The following NIN variants were observed in gnomAD, a reference collection of about 807,000 sequenced individuals.
NIN encodes the protein ninein.
NIN carries 137 observed loss-of-function variants against 257.6 expected under a neutral mutation model. That is an observed-to-expected ratio of 0.53 (90% confidence interval 0.46 to 0.61). The LOEUF is 0.61. Among genes scored for constraint, NIN ranks in the 20% least tolerant of loss-of-function variants. NIN has a pLI of 0.00. For synonymous variants in NIN, 918 were observed against 919.8 expected (o/e 1.00, Z 0.04); for missense variants, 2,439 against 2,501.2 (o/e 0.98, Z 0.53).
At chr14:50,782,516 A>G (rs2043175028) in intron 5 of NIN, among the ~76,000 whole-genome samples, 1 of 152,250 alleles carries the variant, frequency 6.6e-6, no homozygotes, top group South Asian at 2.1e-4. Flanking sequence ...AATGCTATCT[A>G]TCCTATGATT....
intron 26 of NIN, 127 bp from the exon 27 acceptor site, chr14:50,738,413 G>A: frequency 1.3e-6 from 1 of 788,250 alleles, no homozygotes; most frequent in South Asian, 1.9e-5. Context: ...AATCAAGCCT[G>A]TAAATACTTG....
intron 13 of NIN, 81 bp downstream of exon 13, chr14:50,766,699 C>G: frequency 1.1e-6 from 1 of 933,802 alleles, no homozygotes; most frequent in East Asian, 2.4e-5. Context: ...TAAAAATGTT[C>G]TGGTGGCATT....
rs2042221187 is a variant in NIN, at chr14:50,760,226, G to A, written c.2030C>T (p.Ala677Val). Residue 677 changes from alanine (A) to valine (V), a missense_variant, in exon 17 of 31, where the codon GCT becomes GTT. Ala to Val is a moderately conservative substitution (Grantham distance 64). This residue lies in a region of NIN where 2,043 missense variants were observed against 2,050.2 expected (regional missense o/e 1.00). Transcript: ENST00000530997. ...KQISDLKNEI[A>V]ELQGQAAVLK... Reference sequence around the variant, plus strand: ...CACTGCTGCTTGCCCCTGAAGTTCAGCAATTTCATTTTTAAGGTCACTTAT... The same window carrying A: ...CACTGCTGCTTGCCCCTGAAGTTCAACAATTTCATTTTTAAGGTCACTTAT... 1 of 1,613,352 alleles carries A rather than the reference G, an allele frequency of 6.2e-7. No individual in the cohort carries two copies. The highest frequency in any genetic ancestry group is 2.2e-5 in the East Asian group (1 of 44,868).
chr14:50,734,673 A>AT (rs1366141201), intron 28 of NIN, among the ~76,000 whole-genome samples: 2 of 151,394 alleles, frequency 1.3e-5, no homozygotes, highest in South Asian at 2.1e-4. Context: ...TTACAAATCC[A>AT]TTTTTTTTCT....
rs573023202 is a variant in NIN, at chr14:50,810,898, G to A, written c.184-4080C>T. The stretch of plus-strand genomic sequence containing the variant: ...AGGATGGTCTCGATCTCCTGACCTC[G>A]TGATCTGCCCACCTCGGCCTCTGAA... On this transcript the variant is annotated intron_variant, in intron 3 of 30. Coordinates refer to ENST00000530997, the MANE Select transcript of NIN (RefSeq NM_020921.4). Among the ~76,000 whole-genome samples the A allele has an allele frequency of 2.0e-5, 3 of 152,132 alleles. No individual in the cohort carries two copies. In the South Asian group the frequency reaches 6.2e-4, roughly 32 times the overall value.
chr14:50,724,512 G>A (rs2040340944), intron 30 of NIN, among the ~76,000 whole-genome samples: 1 of 152,120 alleles, frequency 6.6e-6, no homozygotes, highest in South Asian at 2.1e-4. Flanking sequence ...CATATTTTCT[G>A]TTGAACTTCC....
At chr14:50,803,197 C>CA (rs1365122392) in intron 4 of NIN, among the ~76,000 whole-genome samples, 3 of 152,134 alleles carry the variant, frequency 2.0e-5, no homozygotes, top group East Asian at 1.9e-4. Context: ...GCTAAAAATA[C>CA]AAAAAAATGA....
At chr14:50,771,511 A>T in intron 9 of NIN, 43 bp from the exon 10 acceptor site, 1 of 1,605,622 alleles carries the variant, frequency 6.2e-7, no homozygotes, top group South Asian at 1.1e-5. Context: ...CAAATCACTC[A>T]TTCCATCCTC....
Position 50,729,683 on chromosome 14 carries a change from G to C in NIN, c.5918C>G (p.Pro1973Arg), listed in dbSNP as rs772133240. 2 of 1,613,220 alleles carry C rather than the reference G, an allele frequency of 1.2e-6. No individual in the cohort carries two copies. Among genetic ancestry groups the C allele is most frequent in the South Asian group, 2.2e-5 (2 of 90,916 alleles). ...GAGCAGCTGCAAATCCCAAGCATGA[G>C]GGGACGGGCTAGGCGTCGCAGTGGA... ...LRSTATPSPS[P>R]HAWDLQLLQQ... Residue 1973 changes from proline (P) to arginine (R), a missense_variant, in exon 29 of 31, where the codon CCT becomes CGT. Transcript: ENST00000530997.
chr14:50,801,443 C>A (rs2044098837), intron 4 of NIN, among the ~76,000 whole-genome samples: 1 of 152,192 alleles, frequency 6.6e-6, no homozygotes, highest in Admixed American at 6.5e-5. Context: ...GTTAGCATTT[C>A]ATTGATGCCA....
At position 50,722,083 on chromosome 14, in the gene NIN, T is replaced by A. The variant is rs1206186197; in HGVS notation, c.*1380A>T. The A allele has an allele frequency of 4.4e-6, 1 of 228,824 alleles. No individual in the cohort carries two copies. Among genetic ancestry groups the A allele is most frequent in the East Asian group, 6.2e-5 (1 of 16,192 alleles). 14.2% of individuals were successfully genotyped at this position (228,824 alleles called of 1,614,324 possible). ...CATGAAAACAAGCAGGTTGTTGTGA[T>A]GAACTTGGAAAGTGCCCTGCACCTA... On this transcript the variant is annotated 3_prime_UTR_variant, in exon 31 of 31. Transcript: ENST00000530997.
chr14:50,751,550 A>AGGGC (rs2041790814), intron 21 of NIN, among the ~76,000 whole-genome samples: 1 of 152,108 alleles, frequency 6.6e-6, no homozygotes, highest in African/African-American at 2.4e-5. Flanking sequence ...CATAGATTTG[A>AGGGC]GGGCCATTTT....
chr14:50,742,054 G>T (rs1595738901), intron 24 of NIN: 2 of 228,868 alleles, frequency 8.7e-6, no homozygotes, highest in East Asian at 1.8e-4. Flanking sequence ...TGTAGAAATT[G>T]TTTTAGCCTA....
rs2041290334 is a variant in NIN, at chr14:50,741,660, T to C, written c.5370A>G (p.Arg1790=). Residue 1790 remains arginine, a synonymous_variant, in exon 25 of 31, where the codon CGA becomes CGG. Transcript: ENST00000530997. ...LQMSRMKSDL[R]VTQQEKEALK... The stretch of plus-strand genomic sequence containing the variant: ...AAGCCTCCTTTTCCTGCTGAGTCAC[T>C]CGTAGGTCAGATTTCATCCGGGACA... 6.2e-7 allele frequency: 1 copy of C among 1,614,034 alleles called. No homozygotes were observed. The highest frequency in any genetic ancestry group is 1.3e-5 in the African/African-American group (1 of 74,940).
intron 5 of NIN, among the ~76,000 whole-genome samples, chr14:50,789,265 G>A (rs916032172): frequency 6.6e-6 from 1 of 152,170 alleles, no homozygotes; most frequent in Non-Finnish European, 1.5e-5. Flanking sequence ...GAAAAAAGCG[G>A]CCAGCAGTAC....
At chr14:50,733,762 A>AT (rs1464199121) in intron 28 of NIN, among the ~76,000 whole-genome samples, 1 of 152,190 alleles carries the variant, frequency 6.6e-6, no homozygotes, top group African/African-American at 2.4e-5. Flanking sequence ...AGAGTATATA[A>AT]TTATATTTCA....
At chr14:50,808,872 C>T (rs145965472) in intron 3 of NIN, among the ~76,000 whole-genome samples, 85 of 152,320 alleles carry the variant, frequency 5.6e-4, no homozygotes, top group Admixed American at 2.3e-3. Flanking sequence ...GTAGTTAATA[C>T]TACCAATAGC....
intron 3 of NIN, among the ~76,000 whole-genome samples, chr14:50,817,080 T>C (rs1439542779): frequency 2.0e-5 from 3 of 152,210 alleles, no homozygotes; most frequent in African/African-American, 7.2e-5. Context: ...AGTCTACATA[T>C]GCAAAAAACC....
chr14:50,803,038 T>A (rs2044165058), intron 4 of NIN, among the ~76,000 whole-genome samples: 1 of 152,114 alleles, frequency 6.6e-6, no homozygotes, highest in South Asian at 2.1e-4. Context: ...TCTCCATTGA[T>A]TTCAAAAAGG....
Sources: gnomAD v4.1 joint callset for allele counts (sites outside exome capture counted in the v4.1 genomes callset) on GRCh38, gnomAD v4.1.1 for gene constraint, gnomAD v4.1.1 regional missense constraint, MANE v1.5 for transcripts, NCBI Gene and HGNC (gene_info 2026-07-23, HGNC 2026-07-21) for gene names.